SUMF1: variants seen among roughly 807,000 people sequenced by gnomAD.
SUMF1 encodes sulfatase modifying factor 1.
Under a neutral mutation model 47.6 loss-of-function variants are expected in SUMF1, and 48 were observed. That is an observed-to-expected ratio of 1.01 (90% CI 0.80 to 1.28). The LOEUF is 1.28. SUMF1 is among the 50% of genes most tolerant of loss of function. The pLI is 0.00. For synonymous variants in SUMF1, 230 were observed against 192.1 expected, an observed-to-expected ratio of 1.20 and a Z score of -1.63; for missense variants, 571 against 485.4, an observed-to-expected ratio of 1.18 and a Z score of -1.66.
At chr3:4,217,753 T>C (rs1695966736) in intron 8 of SUMF1, among the ~76,000 whole-genome samples, 1 of 98,464 alleles carries the variant, frequency 1.0e-5, no homozygotes, top group South Asian at 3.3e-4. Context: ...ATTTCTTAGC[T>C]ATTTTTTTTT....
chr3:4,269,551 A>G (rs1697264719), intron 8 of SUMF1, among the ~76,000 whole-genome samples: 1 of 152,240 alleles, frequency 6.6e-6, no homozygotes, highest in Non-Finnish European at 1.5e-5. Flanking sequence ...ATTCCAAATT[A>G]CTTGGTATTT....
chr3:4,284,969 A>G (rs1697603648), intron 8 of SUMF1, among the ~76,000 whole-genome samples: 1 of 152,134 alleles, frequency 6.6e-6, no homozygotes, highest in Non-Finnish European at 1.5e-5. Flanking sequence ...TTTCACCCCC[A>G]TTTATAATAA....
chr3:4,447,783 T>A (rs1702831250), intron 3 of SUMF1, among the ~76,000 whole-genome samples: 1 of 152,168 alleles, frequency 6.6e-6, no homozygotes, highest in Non-Finnish European at 1.5e-5. Flanking sequence ...CTGCCTGTCC[T>A]CATCCTAGTC....
chr3:4,414,049 G>C (rs1701629226), intron 6 of SUMF1, among the ~76,000 whole-genome samples: 1 of 152,096 alleles, frequency 6.6e-6, no homozygotes. Flanking sequence ...TATTTTAGTA[G>C]AGACGGGGTT....
chr3:4,213,442 C>T (rs935494420), intron 8 of SUMF1, among the ~76,000 whole-genome samples: 12 of 152,178 alleles, frequency 7.9e-5, no homozygotes, highest in African/African-American at 2.2e-4. Context: ...CAACCAGTTC[C>T]AGCCACTGCA....
intron 8 of SUMF1, among the ~76,000 whole-genome samples, chr3:4,305,210 C>G (rs943160528): frequency 2.0e-5 from 3 of 152,078 alleles, no homozygotes; most frequent in Non-Finnish European, 4.4e-5. Context: ...CTCAGCTTCC[C>G]GAGTAGCTGG....
chr3:4,338,541 G>A (rs932971452), intron 8 of SUMF1, among the ~76,000 whole-genome samples: 2 of 152,202 alleles, frequency 1.3e-5, no homozygotes, highest in African/African-American at 4.8e-5. Context: ...GTGGTGGGAA[G>A]TTGAGTCCCT....
At chr3:4,252,717 G>GA (rs1000221620) in intron 8 of SUMF1, among the ~76,000 whole-genome samples, 2 of 151,888 alleles carry the variant, frequency 1.3e-5, no homozygotes, top group African/African-American at 4.8e-5. Context: ...TAATGAAGGG[G>GA]AAAATCCATT....
chr3:4,434,189 C>T (rs552932560), intron 3 of SUMF1, among the ~76,000 whole-genome samples: 4 of 152,048 alleles, frequency 2.6e-5, no homozygotes, highest in Admixed American at 6.6e-5. Context: ...TCTGGAAATG[C>T]ATAATGTTGA....
rs140908547 is a variant in SUMF1 at position 4,154,506 on chromosome 3, C to T, written c.1015-85761G>A. On this transcript the variant is annotated intron_variant and NMD_transcript_variant, in intron 8 of 12. Transcript: ENST00000448413. ...CTGATCCTTGCCACAAACCTACAAG[C>T]TGGGGACTATTATCTCTGTTTTATA... Among the ~76,000 whole-genome samples, 411 of 151,658 alleles carry T rather than the reference C, an allele frequency of 2.7e-3. 17 individuals are homozygous for T. The highest frequency in any genetic ancestry group is 7.2e-3 in the African/African-American group (296 of 40,978).
intron 8 of SUMF1, among the ~76,000 whole-genome samples, chr3:4,182,233 T>A (rs1379010210): frequency 6.6e-6 from 1 of 151,892 alleles, no homozygotes; most frequent in East Asian, 1.9e-4. Flanking sequence ...TAATCCAGAG[T>A]GTCAAATGAA....
chr3:4,383,043 C>T (rs921378807), intron 7 of SUMF1, among the ~76,000 whole-genome samples: 4 of 149,900 alleles, frequency 2.7e-5, no homozygotes, highest in Non-Finnish European at 5.9e-5. Flanking sequence ...ACATTCTGCA[C>T]GTGTACCCCA....
chr3:4,088,184 C>T (rs920526201), intron 8 of SUMF1, among the ~76,000 whole-genome samples: 7 of 152,062 alleles, frequency 4.6e-5, no homozygotes, highest in African/African-American at 1.7e-4. Flanking sequence ...TCCATGATTT[C>T]CTTCCTTAAA....
At chr3:4,222,443 A>G (rs1301942066) in intron 8 of SUMF1, among the ~76,000 whole-genome samples, 1 of 152,032 alleles carries the variant, frequency 6.6e-6, no homozygotes, top group Non-Finnish European at 1.5e-5. Context: ...TTTCACTCAC[A>G]CAACCATTTT....
At chr3:4,160,152 A>G (rs1232728274) in intron 8 of SUMF1, among the ~76,000 whole-genome samples, 1 of 151,798 alleles carries the variant, frequency 6.6e-6, no homozygotes, top group Non-Finnish European at 1.5e-5. Flanking sequence ...TTCTACCCCT[A>G]TCTCTTTCTC....
At chr3:4,082,036 A>G (rs187542558) in intron 8 of SUMF1, among the ~76,000 whole-genome samples, 2 of 152,146 alleles carry the variant, frequency 1.3e-5, no homozygotes, top group Admixed American at 1.3e-4. Flanking sequence ...ACTTTCAAAC[A>G]AGTAGTTTGG....
rs1701335133 is a variant in SUMF1, at chr3:4,405,144, G to A, written c.954+5721C>T. ...AGTTTAGAGGATCTAAAAAACTACT[G>A]TGAGTCCATGCCCTAAGTCCTATCA... is the stretch of plus-strand genomic sequence containing the variant. On this transcript the variant is annotated intron_variant, in intron 7 of 8. Coordinates refer to ENST00000272902, the MANE Select transcript of SUMF1 (RefSeq NM_182760.4). 2.0e-5 allele frequency among the ~76,000 whole-genome samples: 3 copies of A among 152,328 alleles called. No homozygotes were observed. In the East Asian group the frequency reaches 5.8e-4, roughly 29 times the overall value.
In SUMF1 at chr3:4,065,155, T is replaced by G. The variant is rs570332795; in HGVS notation, c.1191+3414A>C. ...TTTCCCTTCCCATCTCAGAAGGTAC[T>G]GTGCAAAGCCACTGTGCAGACTTAA... On this transcript the variant is annotated intron_variant and NMD_transcript_variant, in intron 9 of 12. Transcript: ENST00000448413. Among the ~76,000 whole-genome samples, 90 of 152,314 alleles carry G rather than the reference T, an allele frequency of 5.9e-4. 1 individual carries two copies. In the South Asian group the frequency reaches 0.018, roughly 31 times the overall value.
chr3:4,338,507 T>G (rs186670025), intron 8 of SUMF1, among the ~76,000 whole-genome samples: 54 of 152,286 alleles, frequency 3.5e-4, no homozygotes. Context: ...CACAAACGTT[T>G]GTCAAGAATC....
Sources: allele counts gnomAD v4.1 joint callset (sites outside exome capture counted in the v4.1 genomes callset), GRCh38; gene constraint gnomAD v4.1.1; transcripts MANE v1.5; gene names NCBI Gene and HGNC (gene_info 2026-07-23, HGNC 2026-07-21).